Variants in SCAPER observed in about 807,000 individuals in gnomAD.
SCAPER encodes S-phase cyclin A associated protein in the ER, also known as S phase cyclin A-associated protein in the endoplasmic reticulum.
Under a neutral mutation model 182.2 loss-of-function variants are expected in SCAPER, and 98 were observed. The observed-to-expected ratio is 0.54, with a 90% CI of 0.46 to 0.64. SCAPER has a LOEUF of 0.64. Ranked by LOEUF, SCAPER falls within the 30% of genes least tolerant of loss-of-function variation. SCAPER has a pLI of 0.00. For missense variants in SCAPER, 1,432 were observed against 1,690.0 expected, an observed-to-expected ratio of 0.85 and a Z score of 2.68; for synonymous variants, 605 against 564.6, an observed-to-expected ratio of 1.07 and a Z score of -1.01.
rs1263281913 is a variant in SCAPER at position 76,592,454 on chromosome 15, T to C, written c.2712-18170A>G. Among the ~76,000 whole-genome samples, 2 of 122,530 alleles carry C rather than the reference T, an allele frequency of 1.6e-5. 1 individual carries two copies. The highest frequency in any genetic ancestry group is 4.0e-5 in the Non-Finnish European group (2 of 50,290). 80.4% of individuals were successfully genotyped at this position (122,530 alleles called of 152,430 possible). The stretch of plus-strand genomic sequence containing the variant: ...AGTGAGACTCACAAAGCCTAAAATA[T>C]AGACCCTCACTTTAGGCCCACAAAC... On this transcript the variant is annotated intron_variant, in intron 22 of 31. Coordinates refer to ENST00000563290, the MANE Select transcript of SCAPER (RefSeq NM_020843.4).
At chr15:76,638,610 T>C (rs1158710549) in intron 21 of SCAPER, among the ~76,000 whole-genome samples, 2 of 152,198 alleles carry the variant, frequency 1.3e-5, no homozygotes, top group Non-Finnish European at 1.5e-5. Context: ...AAAATTAAAA[T>C]TTTTCTTCAT....
intron 22 of SCAPER, among the ~76,000 whole-genome samples, chr15:76,612,867 A>G (rs1192730300): frequency 6.6e-6 from 1 of 152,170 alleles, no homozygotes; most frequent in African/African-American, 2.4e-5. Context: ...TACTAAATTC[A>G]ATGCTATTCC....
chr15:76,813,787 T>C (rs1331877953), intron 5 of SCAPER, among the ~76,000 whole-genome samples: 1 of 152,182 alleles, frequency 6.6e-6, no homozygotes, highest in African/African-American at 2.4e-5. Context: ...CTGAAAACTA[T>C]AAAACATTGA....
At chr15:76,794,178 A>G (rs1287812841) in intron 8 of SCAPER, among the ~76,000 whole-genome samples, 1 of 152,238 alleles carries the variant, frequency 6.6e-6, no homozygotes, top group African/African-American at 2.4e-5. Flanking sequence ...CAATACATTA[A>G]TAAGAGTTAC....
At chr15:76,491,539 A>G (rs751755948) in intron 24 of SCAPER, among the ~76,000 whole-genome samples, 7 of 152,242 alleles carry the variant, frequency 4.6e-5, no homozygotes, top group Non-Finnish European at 1.0e-4. Flanking sequence ...TACTGTTTCC[A>G]AAGTGGCTGT....
At chr15:76,812,596 T>C (rs1028627829) in intron 5 of SCAPER, among the ~76,000 whole-genome samples, 1 of 151,378 alleles carries the variant, frequency 6.6e-6, no homozygotes, top group Non-Finnish European at 1.5e-5. Flanking sequence ...AGATGACTCA[T>C]CGGAAACATA....
chr15:76,381,896 A>G (rs1448296984), intron 27 of SCAPER, among the ~76,000 whole-genome samples: 1 of 152,190 alleles, frequency 6.6e-6, no homozygotes, highest in Non-Finnish European at 1.5e-5. Flanking sequence ...TATAGCCTAC[A>G]TAACCTCACT....
At chr15:76,654,942 C>G (rs2055498109) in intron 21 of SCAPER, among the ~76,000 whole-genome samples, 1 of 152,246 alleles carries the variant, frequency 6.6e-6, no homozygotes, top group Admixed American at 6.5e-5. Context: ...AACAACATCT[C>G]ACAGAGCTGA....
At chr15:76,639,528 A>G (rs1430230176) in intron 21 of SCAPER, among the ~76,000 whole-genome samples, 3 of 152,354 alleles carry the variant, frequency 2.0e-5, no homozygotes, top group East Asian at 3.9e-4. Flanking sequence ...AGAGAGTGTT[A>G]TAAGTAAATC....
intron 17 of SCAPER, among the ~76,000 whole-genome samples, chr15:76,723,777 G>A (rs1297633773): frequency 1.3e-5 from 2 of 152,054 alleles, no homozygotes; most frequent in Non-Finnish European, 2.9e-5. Context: ...CATTTGCCTG[G>A]TAGATCTTCC....
At chr15:76,745,074 G>A (rs2061724682) in intron 15 of SCAPER, among the ~76,000 whole-genome samples, 2 of 152,030 alleles carry the variant, frequency 1.3e-5, no homozygotes, top group African/African-American at 4.8e-5. Flanking sequence ...TTGTAAGTGG[G>A]AGCTAAACAA....
At chr15:76,782,661 T>TA (rs928157551) in intron 8 of SCAPER, among the ~76,000 whole-genome samples, 4 of 151,880 alleles carry the variant, frequency 2.6e-5, no homozygotes, top group African/African-American at 9.7e-5. Context: ...TGTAAAAGGA[T>TA]AAAAATCACA....
intron 2 of SCAPER, among the ~76,000 whole-genome samples, chr15:76,872,427 A>G (rs942537818): frequency 1.2e-4 from 18 of 152,196 alleles, no homozygotes; most frequent in African/African-American, 3.9e-4. Flanking sequence ...CCTGAAACAA[A>G]GAAAATCTTA....
chr15:76,542,065 A>C lies in SCAPER; in HGVS notation c.2838+32093T>G, dbSNP rs910741647. Among the ~76,000 whole-genome samples the C allele has an allele frequency of 2.6e-5, 4 of 152,128 alleles. 1 individual carries two copies. The highest frequency in any genetic ancestry group is 4.8e-5 in the African/African-American group (2 of 41,418). On this transcript the variant is annotated intron_variant, in intron 23 of 31. Transcript: ENST00000563290. The stretch of plus-strand genomic sequence containing the variant: ...CATTCTAAAAGGAGAAGCATTGAAA[A>C]CTGTTCTACTCATCTGACTATTTTC...
At chr15:76,671,423 T>G (rs537180692) in intron 20 of SCAPER, among the ~76,000 whole-genome samples, 1 of 152,074 alleles carries the variant, frequency 6.6e-6, no homozygotes, top group African/African-American at 2.4e-5. Context: ...GATATTAAAG[T>G]AAAACCCATG....
At chr15:76,660,229 C>T (rs1292800264) in intron 21 of SCAPER, among the ~76,000 whole-genome samples, 1 of 151,982 alleles carries the variant, frequency 6.6e-6, no homozygotes, top group East Asian at 1.9e-4. Flanking sequence ...GACACTGGGG[C>T]CTACTTGAGG....
At chr15:76,756,575 T>C (rs1479692559) in intron 14 of SCAPER, among the ~76,000 whole-genome samples, 1 of 151,960 alleles carries the variant, frequency 6.6e-6, no homozygotes, top group African/African-American at 2.4e-5. Context: ...AGTCCCTGAC[T>C]CTAAAAAAAA....
chr15:76,437,683 G>A (rs958878982), intron 25 of SCAPER, among the ~76,000 whole-genome samples: 9 of 152,062 alleles, frequency 5.9e-5, no homozygotes, highest in East Asian at 1.9e-4. Context: ...AAAACACTAT[G>A]TATGCATGTC....
intron 7 of SCAPER, chr15:76,797,091 T>A (rs1038404266): frequency 8.5e-5 from 13 of 152,086 alleles, no homozygotes; most frequent in Non-Finnish European, 1.5e-5. Flanking sequence ...ACAATAAAAC[T>A]GTATCCAAGG....
Sources: gnomAD v4.1 joint callset for allele counts (sites outside exome capture counted in the v4.1 genomes callset) on GRCh38, gnomAD v4.1.1 for gene constraint, MANE v1.5 for transcripts, NCBI Gene and HGNC (gene_info 2026-07-23, HGNC 2026-07-21) for gene names.